The following ATXN8OS variants were observed in gnomAD, a reference collection of about 807,000 sequenced individuals.
ATXN8OS encodes ATXN8 opposite strand (non-protein coding).
chr13:70,112,920 A>ATAGATTT lies in ATXN8OS; in HGVS notation n.241-2220_241-2219insAGATTTT, dbSNP rs1555298511. ...ACTGCTGAGGGACTTTATATATATA[A>ATAGATTT]TTTTTTTTTTTTTTTTTTTTGAGAT... On this transcript the variant is annotated intron_variant and non_coding_transcript_variant, in intron 1 of 4. Coordinates refer to ENST00000678624, the Ensembl canonical transcript of ATXN8OS. Among the ~76,000 whole-genome samples, 2 of 87,590 alleles carry ATAGATTT rather than the reference A, an allele frequency of 2.3e-5. 1 individual carries two copies. The highest frequency in any genetic ancestry group is 2.7e-4 in the Admixed American group (2 of 7,294). The allele number at this position is 87,590 out of a possible 152,430, so 57.5% of individuals were successfully genotyped here. A position where few individuals can be genotyped will look rare whatever the true frequency, so the allele number is the denominator to read the frequency against.
intron 4 of ATXN8OS, among the ~76,000 whole-genome samples, chr13:70,165,448 T>TA (rs1237177633): frequency 6.6e-6 from 1 of 151,882 alleles, no homozygotes; most frequent in African/African-American, 2.4e-5. Flanking sequence ...AAAACATTTT[T>TA]AAAAAACTTA....
chr13:70,108,866 GATGCCA>G (rs1888150609), intron 1 of ATXN8OS, among the ~76,000 whole-genome samples: 1 of 152,156 alleles, frequency 6.6e-6, no homozygotes, highest in African/African-American at 2.4e-5. Flanking sequence ...AAAATGTGAC[GATGCCA>G]CCATCCTGAC....
chr13:70,168,670 T>C (rs1403259624), intron 4 of ATXN8OS, among the ~76,000 whole-genome samples: 1 of 151,988 alleles, frequency 6.6e-6, no homozygotes, highest in East Asian at 1.9e-4. Context: ...TTATTTCGCT[T>C]AACATAACAA....
chr13:70,120,536 A>G (rs536423699), intron 2 of ATXN8OS, among the ~76,000 whole-genome samples: 5 of 152,306 alleles, frequency 3.3e-5, no homozygotes, highest in Non-Finnish European at 1.5e-5. Flanking sequence ...CTTTAGGCAT[A>G]TAACCATGCA....
chr13:70,166,439 T>C (rs1217534867), intron 4 of ATXN8OS, among the ~76,000 whole-genome samples: 9 of 151,980 alleles, frequency 5.9e-5, no homozygotes. Flanking sequence ...TAATAAATGG[T>C]GCTGGGAAAA....
At chr13:70,166,956 C>T (rs1402971537) in intron 4 of ATXN8OS, among the ~76,000 whole-genome samples, 3 of 151,518 alleles carry the variant, frequency 2.0e-5, no homozygotes, top group African/African-American at 4.8e-5. Flanking sequence ...CAAATCAAAA[C>T]CACAATGAGA....
intron 2 of ATXN8OS, among the ~76,000 whole-genome samples, chr13:70,123,546 A>T (rs924708013): frequency 6.6e-6 from 1 of 152,114 alleles, no homozygotes; most frequent in African/African-American, 2.4e-5. Flanking sequence ...GGCTTGTACC[A>T]CTGTAACTCT....
At chr13:70,169,295 A>C (rs1459701468) in intron 4 of ATXN8OS, among the ~76,000 whole-genome samples, 1 of 152,026 alleles carries the variant, frequency 6.6e-6, no homozygotes, top group Non-Finnish European at 1.5e-5. Context: ...GAAAACGTTT[A>C]ATCTTTTTGT....
chr13:70,109,090 T>C (rs562193771), intron 1 of ATXN8OS, among the ~76,000 whole-genome samples: 1 of 152,366 alleles, frequency 6.6e-6, no homozygotes, highest in Non-Finnish European at 1.5e-5. Flanking sequence ...TTTCAAGGTA[T>C]AACCTTCTAG....
chr13:70,130,379 T>A (rs917267497), intron 3 of ATXN8OS, among the ~76,000 whole-genome samples: 1 of 152,184 alleles, frequency 6.6e-6, no homozygotes, highest in African/African-American at 2.4e-5. Context: ...TCACGTTTTG[T>A]AGAAATGAGC....
intron 4 of ATXN8OS, among the ~76,000 whole-genome samples, chr13:70,161,388 A>G (rs1439480958): frequency 2.0e-5 from 3 of 152,144 alleles, no homozygotes; most frequent in Non-Finnish European, 4.4e-5. Flanking sequence ...AAAGGGAAGC[A>G]TCTATTTTTG....
chr13:70,115,122 T>C (rs573414038), intron 1 of ATXN8OS: 2 of 397,974 alleles, frequency 5.0e-6, no homozygotes, highest in African/African-American at 2.1e-5. Context: ...ATAAATAACA[T>C]AAATTTATTC....
intron 2 of ATXN8OS, among the ~76,000 whole-genome samples, chr13:70,124,805 C>G (rs1484656248): frequency 6.6e-6 from 1 of 151,988 alleles, no homozygotes; most frequent in Admixed American, 6.6e-5. Context: ...CACTAATAGT[C>G]TAGCTTTGAA....
chr13:70,170,361 A>T (rs577467507), exon 5 of ATXN8OS, among the ~76,000 whole-genome samples: 18 of 152,204 alleles, frequency 1.2e-4, no homozygotes, highest in Admixed American at 2.6e-4. Flanking sequence ...TAACTTCAAC[A>T]TATGTCTGAG....
At chr13:70,156,241 A>ATAAGTGTG (rs1439264670) in intron 4 of ATXN8OS, among the ~76,000 whole-genome samples, 9 of 116,568 alleles carry the variant, frequency 7.7e-5, no homozygotes, top group African/African-American at 2.1e-4. Flanking sequence ...ATGGGTGGGT[A>ATAAGTGTG]TGAGTGTGTG....
intron 3 of ATXN8OS, among the ~76,000 whole-genome samples, chr13:70,133,597 G>A (rs1291899922): frequency 6.6e-6 from 1 of 152,054 alleles, no homozygotes; most frequent in Non-Finnish European, 1.5e-5. Context: ...AATAATTTGT[G>A]GTAGGTCCCA....
exon 1 of ATXN8OS, chr13:70,107,953 G>A: frequency 4.4e-6 from 2 of 459,130 alleles, no homozygotes; most frequent in Non-Finnish European, 7.6e-6. Context: ...CAGGAGCAGA[G>A]GCAGGACTGG....
intron 2 of ATXN8OS, among the ~76,000 whole-genome samples, chr13:70,119,133 C>A (rs966419236): frequency 2.0e-5 from 3 of 152,034 alleles, no homozygotes; most frequent in African/African-American, 4.8e-5. Context: ...GTCTAACTAA[C>A]CCCACAAAAA....
At chr13:70,162,885 A>C (rs1024230574) in intron 4 of ATXN8OS, among the ~76,000 whole-genome samples, 1 of 152,058 alleles carries the variant, frequency 6.6e-6, no homozygotes, top group Non-Finnish European at 1.5e-5. Context: ...TTTTCTGTTT[A>C]GTTTTTCATG....
Sources: gnomAD v4.1 joint callset for allele counts (sites outside exome capture counted in the v4.1 genomes callset) on GRCh38, gnomAD v4.1.1 for gene constraint, MANE v1.5 for transcripts, NCBI Gene and HGNC (gene_info 2026-07-23, HGNC 2026-07-21) for gene names.